Variants in MYO18B observed in about 807,000 individuals in gnomAD.
The protein encoded by MYO18B is myosin XVIIIB.
A neutral mutation model predicts 273.0 loss-of-function variants in MYO18B; 204 were observed. The observed-to-expected ratio is 0.75, with a 90% confidence interval of 0.67 to 0.84. MYO18B has a LOEUF of 0.84. Among genes scored for constraint, MYO18B ranks in the 40% least tolerant of loss-of-function variants. The pLI is 0.00. For missense variants in MYO18B, 3,212 were observed against 3,287.6 expected, an observed-to-expected ratio of 0.98 and a Z score of 0.56; for synonymous variants, 1,330 against 1,305.7, an observed-to-expected ratio of 1.02 and a Z score of -0.40.
intron 42 of MYO18B, among the ~76,000 whole-genome samples, chr22:26,005,771 G>T (rs1316272990): frequency 6.6e-6 from 1 of 152,192 alleles, no homozygotes; most frequent in African/African-American, 2.4e-5. Flanking sequence ...AAACGTGTTT[G>T]CTTTGATGCA....
chr22:25,882,774 A>G (rs747979447), intron 25 of MYO18B, among the ~76,000 whole-genome samples: 3 of 152,186 alleles, frequency 2.0e-5, no homozygotes, highest in Non-Finnish European at 4.4e-5. Context: ...AGAGCGTACA[A>G]TGGCAGTTTT....
chr22:26,003,638 G>A (rs553125205), intron 41 of MYO18B, among the ~76,000 whole-genome samples: 2 of 152,166 alleles, frequency 1.3e-5, no homozygotes, highest in Admixed American at 6.5e-5. Flanking sequence ...GTGATTTCTG[G>A]TTTCCATATT....
chr22:25,970,546 C>T (rs930252292), intron 39 of MYO18B, among the ~76,000 whole-genome samples: 5 of 152,084 alleles, frequency 3.3e-5, no homozygotes, highest in African/African-American at 4.8e-5. Flanking sequence ...TCACCTCTGC[C>T]GCCCGCCCGC....
chr22:25,758,410 C>T (rs550658382), intron 1 of MYO18B, among the ~76,000 whole-genome samples: 35 of 149,312 alleles, frequency 2.3e-4, no homozygotes, highest in Non-Finnish European at 4.4e-4. Context: ...CGACATTATT[C>T]GTAGTGCCCC....
intron 38 of MYO18B, 39 bp from the exon 39 acceptor site, chr22:25,955,140 T>C (rs1350076030): frequency 1.3e-6 from 2 of 1,529,558 alleles, no homozygotes; most frequent in Admixed American, 2.1e-5. Context: ...ACCCCTGGCC[T>C]CCAACTCCAA....
At chr22:25,993,177 C>G (rs6004881) in intron 40 of MYO18B, among the ~76,000 whole-genome samples, 63,466 of 151,818 alleles carry the variant, frequency 0.42, 13,669 homozygotes, top group African/African-American at 0.49. Context: ...GTGGACCGCT[C>G]AGCTGGAAAG....
intron 1 of MYO18B, among the ~76,000 whole-genome samples, chr22:25,751,193 G>A (rs141932372): frequency 2.3e-4 from 35 of 152,294 alleles, no homozygotes; most frequent in Middle Eastern, 3.4e-3. Context: ...TGATTTTGTC[G>A]TGTCCCCTCC....
intron 7 of MYO18B, among the ~76,000 whole-genome samples, chr22:25,776,705 A>G (rs763649397): frequency 5.6e-4 from 86 of 152,396 alleles, no homozygotes; most frequent in Non-Finnish European, 7.3e-4. Flanking sequence ...GATTTTGAAT[A>G]TATAGTCAAT....
Position 25,832,936 on chromosome 22 carries a change from T to C in MYO18B, c.2999T>C (p.Phe1000Ser), listed in dbSNP as rs2089764778. ...RYQEEGVPVQ[F>S]DLPDPSPGTT... ...TTCCAGGAAGGTGTTCCTGTGCAGT[T>C]TGACCTCCCGGACCCCTCCCCAGGG... Residue 1000 changes from phenylalanine to serine, a missense_variant, in exon 16 of 44, where the codon TTT (phenylalanine) becomes TCT (serine). Phe to Ser is a radical substitution (Grantham distance 155). Transcript: ENST00000335473. The C allele has an allele frequency of 6.2e-7, 1 of 1,613,940 alleles. No homozygotes were observed. The highest frequency in any genetic ancestry group is 1.7e-4 in the Middle Eastern group (1 of 6,058).
chr22:25,851,256 G>A (rs573029773), intron 20 of MYO18B, among the ~76,000 whole-genome samples: 3 of 152,260 alleles, frequency 2.0e-5, no homozygotes, highest in African/African-American at 7.2e-5. Context: ...TAGGGTTCGT[G>A]TTCTCAGGAA....
chr22:25,919,708 GTA>G (rs942598521), intron 33 of MYO18B, among the ~76,000 whole-genome samples: 5 of 143,182 alleles, frequency 3.5e-5, no homozygotes, highest in African/African-American at 1.0e-4. Context: ...GTGTGTGTGT[GTA>G]TAATAGAACA....
At chr22:25,795,823 A>T (rs998176356) in intron 11 of MYO18B, among the ~76,000 whole-genome samples, 2 of 152,134 alleles carry the variant, frequency 1.3e-5, no homozygotes, top group Non-Finnish European at 2.9e-5. Context: ...GATTCTTGCA[A>T]GTTTCCCAGT....
rs531225513 is a variant in MYO18B at position 25,938,982 on chromosome 22, A to G, written c.5518-7155A>G. ...ACAGGCGCTCCACCATGCCCAGCTA[A>G]TTTTTTGCTCTTTATAGAGATGAGG... On this transcript the variant is annotated intron_variant, in intron 34 of 43. Coordinates refer to ENST00000335473, the MANE Select transcript of MYO18B (RefSeq NM_032608.7). 3.9e-5 allele frequency among the ~76,000 whole-genome samples: 6 copies of G among 152,146 alleles called. No homozygotes were observed. In the East Asian group the frequency reaches 5.8e-4, roughly 15 times the overall value.
At chr22:25,748,821 G>A (rs890964760) in intron 1 of MYO18B, among the ~76,000 whole-genome samples, 1 of 152,210 alleles carries the variant, frequency 6.6e-6, no homozygotes, top group African/African-American at 2.4e-5. Flanking sequence ...ATAGCTGGCT[G>A]TGAGCCACCC....
chr22:26,027,198 C>T lies in MYO18B; in HGVS notation c.7224C>T (p.Asn2408=), dbSNP rs1266223128. ...DLGKEPLVFQ[N]RQFAHLMEEP... is the part of the protein sequence containing the mutation. ...GAAAGGAGCCGCTTGTTTTCCAGAA[C>T]CGCCAGTTTGCCCACCTGATGGAGG... Residue 2408 remains asparagine (N), a synonymous_variant, in exon 43 of 44, where the codon AAC becomes AAT. Coordinates refer to ENST00000335473, the MANE Select transcript of MYO18B (RefSeq NM_032608.7). The surrounding 1 kb of genome is among the most constrained non-coding windows in gnomAD (Gnocchi z 4.1). The T allele has an allele frequency of 6.2e-7, 1 of 1,613,978 alleles. No individual in the cohort carries two copies. Among genetic ancestry groups the T allele is most frequent in the South Asian group, 1.1e-5 (1 of 91,082 alleles).
At chr22:26,028,460 G>C (rs1224636077) in intron 43 of MYO18B, 1 of 152,128 alleles carries the variant, frequency 6.6e-6, no homozygotes, top group Non-Finnish European at 1.5e-5. Context: ...ATTGCATATG[G>C]AGAGAAACTG....
intron 32 of MYO18B, 62 bp from the exon 33 acceptor site, chr22:25,910,884 T>C: frequency 4.5e-6 from 6 of 1,343,510 alleles, no homozygotes; most frequent in Non-Finnish European, 6.3e-6. Context: ...GTCCTTGCCT[T>C]GTAGGATGTG....
At chr22:25,929,325 C>T (rs752204418) in intron 34 of MYO18B, among the ~76,000 whole-genome samples, 2 of 152,088 alleles carry the variant, frequency 1.3e-5, no homozygotes, top group Admixed American at 1.3e-4. Flanking sequence ...TGGGGTTGAT[C>T]TAATGACACC....
chr22:25,940,583 C>T (rs574330806), intron 34 of MYO18B, among the ~76,000 whole-genome samples: 1 of 152,304 alleles, frequency 6.6e-6, no homozygotes, highest in East Asian at 1.9e-4. Context: ...TTCTGCCTGA[C>T]CTTTGGGTCT....
Sources: gnomAD v4.1 joint callset for allele counts (sites outside exome capture counted in the v4.1 genomes callset) on GRCh38, gnomAD v4.1.1 for gene constraint, Gnocchi (gnomAD v3.1) non-coding constraint, MANE v1.5 for transcripts, NCBI Gene and HGNC (gene_info 2026-07-23, HGNC 2026-07-21) for gene names.